The following CDH18 variants were observed in gnomAD, a reference collection of about 807,000 sequenced individuals.
The protein encoded by CDH18 is cadherin 18, also known as cadherin-18.
Under a neutral mutation model 67.9 loss-of-function variants are expected in CDH18, and 31 were observed. That is an observed-to-expected ratio of 0.46 (90% CI 0.34 to 0.62). The LOEUF is 0.62. CDH18 is among the 20% of genes least tolerant of loss of function. The pLI is 0.01. For synonymous variants in CDH18, 362 were observed against 347.2 expected, an observed-to-expected ratio of 1.04 and a Z score of -0.48; for missense variants, 890 against 975.5, an observed-to-expected ratio of 0.91 and a Z score of 1.17.
At chr5:19,805,579 G>T (rs1301727187) in intron 3 of CDH18, among the ~76,000 whole-genome samples, 2 of 151,848 alleles carry the variant, frequency 1.3e-5, no homozygotes, top group Admixed American at 6.6e-5. Flanking sequence ...TTCTATACCT[G>T]CCTATCTGCA....
intron 3 of CDH18, among the ~76,000 whole-genome samples, chr5:19,754,335 G>A (rs1176076328): frequency 6.6e-6 from 1 of 152,088 alleles, no homozygotes; most frequent in African/African-American, 2.4e-5. Context: ...CATGCAAATG[G>A]ACACCAAAAG....
At chr5:20,044,000 G>A (rs1740682998) in intron 2 of CDH18, among the ~76,000 whole-genome samples, 1 of 152,090 alleles carries the variant, frequency 6.6e-6, no homozygotes, top group African/African-American at 2.4e-5. Context: ...GGCAAATTTG[G>A]ATAAATGTAA....
chr5:19,973,264 G>T (rs1798196118), intron 2 of CDH18, among the ~76,000 whole-genome samples: 1 of 152,130 alleles, frequency 6.6e-6, no homozygotes, highest in African/African-American at 2.4e-5. Flanking sequence ...TGTTAGAAGT[G>T]AGGATAAAAA....
chr5:19,608,016 T>A (rs1452455669), intron 6 of CDH18, among the ~76,000 whole-genome samples: 2 of 150,988 alleles, frequency 1.3e-5, no homozygotes, highest in Non-Finnish European at 3.0e-5. Context: ...CTAAGAAAAA[T>A]TAAACAGAGG....
At chr5:20,394,159 T>C (rs1745095869) in intron 1 of CDH18, among the ~76,000 whole-genome samples, 1 of 151,902 alleles carries the variant, frequency 6.6e-6, no homozygotes, top group Non-Finnish European at 1.5e-5. Flanking sequence ...CAACTCAAAT[T>C]ATACTACAAG....
chr5:20,131,196 T>A (rs2126474882), intron 2 of CDH18, among the ~76,000 whole-genome samples: 1 of 152,194 alleles, frequency 6.6e-6, no homozygotes, highest in African/African-American at 2.4e-5. Flanking sequence ...GGGCTGCTTT[T>A]TTGAGAGTTT....
intron 5 of CDH18, among the ~76,000 whole-genome samples, chr5:19,620,348 G>A (rs187073496): frequency 4.0e-4 from 61 of 152,222 alleles, no homozygotes; most frequent in African/African-American, 1.4e-3. Flanking sequence ...AGAAAAGCTC[G>A]AAATGTCAAT....
chr5:19,966,501 C>A (rs1027294700), intron 2 of CDH18, among the ~76,000 whole-genome samples: 1 of 152,030 alleles, frequency 6.6e-6, no homozygotes, highest in Non-Finnish European at 1.5e-5. Flanking sequence ...CTTCTATATA[C>A]AATACCTGAA....
At chr5:19,865,842 C>T (rs1238718438) in intron 2 of CDH18, among the ~76,000 whole-genome samples, 1 of 152,004 alleles carries the variant, frequency 6.6e-6, no homozygotes, top group Non-Finnish European at 1.5e-5. Context: ...AACTTGTTTC[C>T]CCAGGTTCTA....
At chr5:19,611,587 G>T (rs115667853) in intron 6 of CDH18, among the ~76,000 whole-genome samples, 2 of 151,992 alleles carry the variant, frequency 1.3e-5, no homozygotes, top group African/African-American at 4.8e-5. Context: ...AAGGCATTTC[G>T]CGCTGATTTG....
At chr5:20,484,153 A>G (rs917627971) in intron 1 of CDH18, among the ~76,000 whole-genome samples, 2 of 152,076 alleles carry the variant, frequency 1.3e-5, no homozygotes, top group Non-Finnish European at 2.9e-5. Context: ...AAGACCTACA[A>G]ATGTCCAGCA....
chr5:20,560,299 C>G (rs1758127372), intron 1 of CDH18, among the ~76,000 whole-genome samples: 1 of 151,934 alleles, frequency 6.6e-6, no homozygotes, highest in Non-Finnish European at 1.5e-5. Flanking sequence ...TTCCAGATAC[C>G]TAGATTGTTA....
chr5:19,647,527 C>CAAAA (rs3062888), intron 5 of CDH18, among the ~76,000 whole-genome samples: 994 of 28,756 alleles, frequency 0.035, 161 homozygotes, highest in Non-Finnish European at 0.042. Flanking sequence ...GAGACTCCAT[C>CAAAA]AAAAAAAAAA....
At chr5:20,284,827 G>A (rs1245812846) in intron 1 of CDH18, among the ~76,000 whole-genome samples, 1 of 151,814 alleles carries the variant, frequency 6.6e-6, no homozygotes, top group Admixed American at 6.6e-5. Context: ...AAATCAAGTT[G>A]TATTTGGGAC....
chr5:19,546,509 G>A (rs865887000), intron 8 of CDH18, among the ~76,000 whole-genome samples: 8 of 152,286 alleles, frequency 5.3e-5, no homozygotes, highest in Middle Eastern at 3.4e-3. Flanking sequence ...AAGTAACAGG[G>A]ATGCTTCTTC....
At chr5:20,006,912 T>C (rs1736944715) in intron 2 of CDH18, among the ~76,000 whole-genome samples, 2 of 151,928 alleles carry the variant, frequency 1.3e-5, no homozygotes, top group South Asian at 4.1e-4. Flanking sequence ...ACAAAAGTGA[T>C]ACATCTCTTT....
At chr5:19,708,954 G>A (rs1764324870) in intron 5 of CDH18, among the ~76,000 whole-genome samples, 1 of 151,922 alleles carries the variant, frequency 6.6e-6, no homozygotes, top group Non-Finnish European at 1.5e-5. Flanking sequence ...GCATCAGCGA[G>A]ACAAGATGGT....
intron 3 of CDH18, among the ~76,000 whole-genome samples, chr5:19,761,812 G>T (rs142419678): frequency 0.03 from 4,544 of 152,220 alleles, 171 homozygotes; most frequent in African/African-American, 0.094. Context: ...GAACAAAGCT[G>T]GAGGCATCAT....
intron 1 of CDH18, among the ~76,000 whole-genome samples, chr5:20,319,861 G>A (rs563855298): frequency 4.6e-5 from 7 of 152,218 alleles, no homozygotes; most frequent in South Asian, 2.1e-4. Context: ...ATGCAGCTCC[G>A]TCTCCCACTC....
Sources: allele counts gnomAD v4.1 joint callset (sites outside exome capture counted in the v4.1 genomes callset), GRCh38; gene constraint gnomAD v4.1.1; transcripts MANE v1.5; gene names NCBI Gene and HGNC (gene_info 2026-07-23, HGNC 2026-07-21).